The following TRPM8 variants were observed in gnomAD, a reference collection of about 807,000 sequenced individuals.
TRPM8 encodes the protein transient receptor potential cation channel subfamily M member 8.
TRPM8 carries 110 observed loss-of-function variants against 133.7 expected under a neutral mutation model. The ratio of observed to expected loss-of-function variants is 0.82; its 90% confidence interval spans 0.70 to 0.96. TRPM8 has a LOEUF of 0.96. Among genes scored for constraint, TRPM8 ranks in the 40% least tolerant of loss-of-function variants. The probability of loss-of-function intolerance (pLI) is 0.00; values close to 1 mark genes in which losing one functional copy is unlikely to be tolerated. For missense variants in TRPM8, 1,291 were observed against 1,379.5 expected (o/e 0.94, Z 1.02); for synonymous variants, 535 against 532.3 (o/e 1.01, Z -0.07).
At chr2:233,917,891 A>C (rs1237430693) in intron 1 of TRPM8, among the ~76,000 whole-genome samples, 1 of 152,246 alleles carries the variant, frequency 6.6e-6, no homozygotes, top group Admixed American at 6.5e-5. Context: ...TTCAAATAGT[A>C]AATATTCTTT....
At chr2:233,919,649 G>A (rs897276654) in intron 1 of TRPM8, among the ~76,000 whole-genome samples, 16 of 151,492 alleles carry the variant, frequency 1.1e-4, no homozygotes, top group Admixed American at 9.8e-4. Context: ...GTATTTACAT[G>A]GATCCATCTT....
intron 8 of TRPM8, among the ~76,000 whole-genome samples, chr2:233,948,035 A>G (rs990752493): frequency 3.9e-5 from 6 of 152,182 alleles, no homozygotes; most frequent in Admixed American, 2.0e-4. Context: ...AGTCATTTTT[A>G]ACTCATCTTT....
chr2:233,929,031 T>C (rs1280205837), intron 2 of TRPM8, among the ~76,000 whole-genome samples: 1 of 151,754 alleles, frequency 6.6e-6, no homozygotes, highest in East Asian at 1.9e-4. Flanking sequence ...AAAACTGTTT[T>C]TGAGATTCAT....
At chr2:233,966,785 G>T (rs180878433) in intron 15 of TRPM8, 30 bp downstream of exon 15, 1 of 1,489,692 alleles carries the variant, frequency 6.7e-7, no homozygotes, top group Non-Finnish European at 9.0e-7. Context: ...CAGACCACAC[G>T]GCCAGAAATG....
chr2:233,997,996 C>T (rs934766910), intron 22 of TRPM8, among the ~76,000 whole-genome samples: 21 of 152,176 alleles, frequency 1.4e-4, no homozygotes, highest in Non-Finnish European at 2.9e-4. Flanking sequence ...TCCTAGCCCC[C>T]AGTTATGCCT....
chr2:233,927,068 C>G (rs1691533228), intron 2 of TRPM8, among the ~76,000 whole-genome samples: 1 of 152,206 alleles, frequency 6.6e-6, no homozygotes. Flanking sequence ...TTTGCTGACA[C>G]TGGGCTGAGT....
chr2:233,934,589 T>G (rs1691752037), intron 3 of TRPM8, among the ~76,000 whole-genome samples: 1 of 152,118 alleles, frequency 6.6e-6, no homozygotes, highest in African/African-American at 2.4e-5. Flanking sequence ...TCCAGCAGCA[T>G]CCCCAACCCC....
At chr2:233,943,057 A>G (rs1391260538) in intron 6 of TRPM8, 2 of 434,324 alleles carry the variant, frequency 4.6e-6, no homozygotes, top group African/African-American at 4.2e-5. Flanking sequence ...CTCAAAGCCA[A>G]CTGCAGTATC....
chr2:233,998,019 G>A (rs1031918395), intron 22 of TRPM8, among the ~76,000 whole-genome samples: 16 of 152,124 alleles, frequency 1.1e-4, no homozygotes, highest in African/African-American at 3.9e-4. Context: ...ACCAGATTAA[G>A]CATGCAGGGA....
At chr2:233,992,954 A>G (rs1466462144) in intron 21 of TRPM8, among the ~76,000 whole-genome samples, 1 of 152,194 alleles carries the variant, frequency 6.6e-6, no homozygotes, top group Non-Finnish European at 1.5e-5. Context: ...TGTTTTAGGA[A>G]AGCAGGTGGA....
chr2:233,945,908 A>G lies in TRPM8; in HGVS notation c.752A>G (p.Tyr251Cys), dbSNP rs17868387. 75,360 of 1,613,842 alleles carry G rather than the reference A, an allele frequency of 0.047. 2,021 individuals are homozygous for G. The highest frequency in any genetic ancestry group is 0.092 in the Admixed American group (5,501 of 60,024). ...GATGACTTCACAAGAGATCCACTGTATATCCTGGACAACAACCACACACAT... is the reference window on the plus strand; with the variant it reads ...GATGACTTCACAAGAGATCCACTGTGTATCCTGGACAACAACCACACACAT... ...LMDDFTRDPLYILDNNHTHLL... is the reference protein window; with the variant it reads ...LMDDFTRDPLCILDNNHTHLL... Residue 251 changes from tyrosine (Y) to cysteine (C), a missense_variant, in exon 7 of 26, where the codon TAT becomes TGT. By Grantham distance (194) the Tyr-to-Cys change is radical. This residue lies in a region of TRPM8 where 963 missense variants were observed against 968.9 expected (regional missense o/e 0.99). Coordinates refer to ENST00000324695, the MANE Select transcript of TRPM8 (RefSeq NM_024080.5).
intron 17 of TRPM8, 129 bp downstream of exon 17, chr2:233,970,555 G>T: frequency 1.1e-6 from 1 of 872,510 alleles, no homozygotes; most frequent in Non-Finnish European, 1.9e-6. Context: ...TGTTCTCTTT[G>T]GGTGCTAGTC....
rs1553653795 is a variant in TRPM8, at chr2:233,927,860, C to CTTTCTCTT, written c.117+1207_117+1208insTTCTCTTT. Among the ~76,000 whole-genome samples the CTTTCTCTT allele has an allele frequency of 3.7e-4, 9 of 24,120 alleles. 1 individual carries two copies. The highest frequency in any genetic ancestry group is 5.8e-4 in the African/African-American group (2 of 3,458). The allele number at this position is 24,120 out of a possible 152,430, so 15.8% of individuals were successfully genotyped here. A position where few individuals can be genotyped will look rare whatever the true frequency, so the allele number is the denominator to read the frequency against. On this transcript the variant is annotated intron_variant, in intron 2 of 25. Coordinates refer to ENST00000324695, the MANE Select transcript of TRPM8 (RefSeq NM_024080.5). The stretch of plus-strand genomic sequence containing the variant: ...CCTTCCTTCCTTCCTTCCTTTCTTT[C>CTTTCTCTT]TCTTTCTTTCTTTCTTTCTTTCTTT...
chr2:234,016,896 A>G (rs887977837), intron 25 of TRPM8, among the ~76,000 whole-genome samples: 6 of 152,198 alleles, frequency 3.9e-5, no homozygotes, highest in Non-Finnish European at 5.9e-5. Context: ...TCATTAAAAG[A>G]ATCTAGGCTG....
chr2:233,921,745 C>T (rs1047547797), intron 1 of TRPM8, among the ~76,000 whole-genome samples: 36 of 132,370 alleles, frequency 2.7e-4, no homozygotes, highest in African/African-American at 8.4e-4. Flanking sequence ...GGCGTGATCT[C>T]GGATCACTGC....
chr2:234,011,853 C>T (rs1343468174), intron 24 of TRPM8, among the ~76,000 whole-genome samples: 5 of 138,316 alleles, frequency 3.6e-5, no homozygotes, highest in African/African-American at 5.6e-5. Flanking sequence ...GGAGGCAGAG[C>T]TTGCAGTGAA....
At chr2:233,972,417 C>T (rs1170701355) in intron 17 of TRPM8, among the ~76,000 whole-genome samples, 1 of 152,262 alleles carries the variant, frequency 6.6e-6, no homozygotes, top group African/African-American at 2.4e-5. Context: ...CCAGTGGATC[C>T]CGCACCGCGG....
chr2:233,994,605 A>G (rs1038763117), intron 21 of TRPM8, among the ~76,000 whole-genome samples: 1 of 152,066 alleles, frequency 6.6e-6, no homozygotes, highest in African/African-American at 2.4e-5. Context: ...ATTCGTCATT[A>G]AACACCAAGA....
In TRPM8 at chr2:233,947,103, G is replaced by C. The variant is rs779851473; in HGVS notation, c.890G>C (p.Gly297Ala). ...ERTIQDSNYG[G>A]KIPIVCFAQG... is the part of the protein sequence containing the mutation. ...TATTTTACAGATTCCAACTATGGTGGCAAGATCCCCATTGTGTGTTTTGCC... is the reference window on the plus strand; with the variant it reads ...TATTTTACAGATTCCAACTATGGTGCCAAGATCCCCATTGTGTGTTTTGCC... The change falls in exon 8 of 26, where the codon GGC (glycine) becomes GCC (alanine). Residue 297 changes from glycine (G) to alanine (A), a missense_variant. Coordinates refer to ENST00000324695, the MANE Select transcript of TRPM8 (RefSeq NM_024080.5). 3 of 1,613,916 alleles carry C rather than the reference G, an allele frequency of 1.9e-6. No individual in the cohort carries two copies. The highest frequency in any genetic ancestry group is 2.5e-6 in the Non-Finnish European group (3 of 1,179,932).
Sources: gnomAD v4.1 joint callset for allele counts (sites outside exome capture counted in the v4.1 genomes callset) on GRCh38, gnomAD v4.1.1 for gene constraint, gnomAD v4.1.1 regional missense constraint, MANE v1.5 for transcripts, NCBI Gene and HGNC (gene_info 2026-07-23, HGNC 2026-07-21) for gene names.